Variants in MYBL2 observed in about 807,000 individuals in gnomAD.
The protein encoded by MYBL2 is myb-related protein B.
In MYBL2, 28 loss-of-function variants were observed where a neutral mutation model predicts 79.9. The observed-to-expected ratio is 0.35, with a 90% CI of 0.26 to 0.48. The LOEUF (loss-of-function observed/expected upper bound fraction) is 0.48, where lower values mean the gene tolerates loss of function less well. Among genes scored for constraint, MYBL2 ranks in the 20% least tolerant of loss-of-function variants. MYBL2 has a pLI of 0.99. For missense variants in MYBL2, 735 were observed against 893.9 expected, an observed-to-expected ratio of 0.82 and a Z score of 2.27; for synonymous variants, 378 against 361.2, an observed-to-expected ratio of 1.05 and a Z score of -0.53.
At chr20:43,679,848 A>T (rs1324709431) in intron 2 of MYBL2, among the ~76,000 whole-genome samples, 2 of 26,932 alleles carry the variant, frequency 7.4e-5, no homozygotes. Context: ...GAGGTTGAGG[A>T]TGCGGGGTGG....
intron 1 of MYBL2, among the ~76,000 whole-genome samples, chr20:43,668,809 CGCTGGGACTGCAGGCTGAGTA>C (rs1986786767): frequency 6.6e-6 from 1 of 151,902 alleles, no homozygotes. Context: ...CAACTCAGCC[CGCTGGGACTGCAGGCTGAGTA>C]GCTGGGACTA....
rs749037632 is a variant in MYBL2, at chr20:43,715,983, G to C, written c.1999G>C (p.Ala667Pro). The C allele has an allele frequency of 6.2e-7, 1 of 1,611,974 alleles. No homozygotes were observed. The highest frequency in any genetic ancestry group is 1.1e-5 in the South Asian group (1 of 90,992). The change falls in exon 14 of 14, where the codon GCC (alanine) becomes CCC (proline). Residue 667 changes from alanine (A) to proline (P), a missense_variant. Around this residue, in one of 5 missense-constraint regions of MYBL2, gnomAD observed 204 missense variants for 202.9 expected, o/e 1.01. Transcript: ENST00000217026. ...APMSSAWKTV[A>P]CGGTRDQLFM... ...GATGTCCAGTGCCTGGAAGACGGTG[G>C]CCTGCGGGGGGACCAGGGACCAGCT... is the stretch of plus-strand genomic sequence containing the variant.
rs537258298 is a variant in MYBL2, at chr20:43,702,584, C to T, written c.1046C>T (p.Ala349Val). Residue 349 changes from alanine to valine, a missense_variant, in exon 8 of 14, where the codon GCG (alanine) becomes GTG (valine). Ala to Val is a moderately conservative substitution (Grantham distance 64). Coordinates refer to ENST00000217026, the MANE Select transcript of MYBL2 (RefSeq NM_002466.4). ...SINNSLVQLQASHQQQVLPPR... is the reference protein window; with the variant it reads ...SINNSLVQLQVSHQQQVLPPR... ...AACAACAGCCTAGTGCAGCTGCAAG[C>T]GTCACATCAGCAGCAAGTCCTGCCA... is the stretch of plus-strand genomic sequence containing the variant. 1.7e-5 allele frequency: 27 copies of T among 1,614,198 alleles called. No individual in the cohort carries two copies. Among genetic ancestry groups the T allele is most frequent in the South Asian group, 7.7e-5 (7 of 91,082 alleles).
intron 1 of MYBL2, among the ~76,000 whole-genome samples, chr20:43,669,066 G>A (rs1986796895): frequency 6.6e-6 from 1 of 152,172 alleles, no homozygotes; most frequent in African/African-American, 2.4e-5. Flanking sequence ...GTTTCACTGT[G>A]TTGCTCAGGC....
intron 5 of MYBL2, among the ~76,000 whole-genome samples, chr20:43,690,300 G>A (rs2145720286): frequency 1.3e-5 from 2 of 152,088 alleles, no homozygotes; most frequent in South Asian, 4.2e-4. Flanking sequence ...CCGCGTCCCA[G>A]GTTCAAGCGA....
intron 2 of MYBL2, among the ~76,000 whole-genome samples, chr20:43,675,786 T>TGTG (rs397744030): frequency 2.0e-5 from 3 of 149,288 alleles, no homozygotes; most frequent in Non-Finnish European, 3.0e-5. Flanking sequence ...TGTGTGTGTG[T>TGTG]TGTTTTTAAC....
intron 6 of MYBL2, among the ~76,000 whole-genome samples, chr20:43,696,066 A>G (rs1461806446): frequency 6.6e-6 from 1 of 152,202 alleles, no homozygotes; most frequent in African/African-American, 2.4e-5. Context: ...GATTGCTGCC[A>G]GAAGAATTTT....
intron 7 of MYBL2, among the ~76,000 whole-genome samples, chr20:43,701,144 T>G (rs985682082): frequency 3.1e-4 from 47 of 152,030 alleles, no homozygotes; most frequent in African/African-American, 1.1e-3. Context: ...GGAACAGGAG[T>G]TAAACCTTGC....
intron 8 of MYBL2, 131 bp from the exon 9 acceptor site, chr20:43,705,088 G>C: frequency 8.4e-7 from 1 of 1,193,454 alleles, no homozygotes; most frequent in Admixed American, 2.3e-5. Flanking sequence ...GATGGGTCAA[G>C]AGGGGACCTC....
intron 1 of MYBL2, among the ~76,000 whole-genome samples, chr20:43,669,017 C>T (rs1457075373): frequency 4.6e-5 from 7 of 152,192 alleles, no homozygotes; most frequent in Admixed American, 4.6e-4. Flanking sequence ...GCACACGCCG[C>T]CACGCCTGGC....
intron 11 of MYBL2, among the ~76,000 whole-genome samples, chr20:43,712,266 T>C (rs559383911): frequency 6.6e-6 from 1 of 152,190 alleles, no homozygotes; most frequent in East Asian, 1.9e-4. Context: ...CCCAGACTGC[T>C]CTCCTCAAGG....
intron 5 of MYBL2, among the ~76,000 whole-genome samples, chr20:43,691,435 C>T (rs1210686545): frequency 6.6e-6 from 1 of 152,178 alleles, no homozygotes; most frequent in East Asian, 1.9e-4. Context: ...GATTCTCATG[C>T]CTCAGACTCC....
At chr20:43,667,667 G>T (rs1256688151) in intron 1 of MYBL2, among the ~76,000 whole-genome samples, 2 of 152,178 alleles carry the variant, frequency 1.3e-5, no homozygotes, top group African/African-American at 4.8e-5. Flanking sequence ...CGAGGGAGGC[G>T]ACCCCTGGGA....
At chr20:43,676,810 G>C (rs1479173423) in intron 2 of MYBL2, among the ~76,000 whole-genome samples, 2 of 149,854 alleles carry the variant, frequency 1.3e-5, no homozygotes, top group Non-Finnish European at 3.0e-5. Flanking sequence ...CAGTTCTTCA[G>C]TGTTTTTTGT....
intron 7 of MYBL2, 61 bp from the exon 8 acceptor site, chr20:43,702,429 A>G: frequency 6.7e-7 from 1 of 1,488,202 alleles, no homozygotes; most frequent in African/African-American, 1.4e-5. Flanking sequence ...TCCCGTAATG[A>G]ATGAGTCCTC....
At chr20:43,677,075 G>A (rs1987028679) in intron 2 of MYBL2, among the ~76,000 whole-genome samples, 3 of 152,132 alleles carry the variant, frequency 2.0e-5, no homozygotes, top group South Asian at 4.1e-4. Context: ...TGCTGTGTGA[G>A]TGGTAAACTC....
chr20:43,701,575 C>T (rs930374083), intron 7 of MYBL2, among the ~76,000 whole-genome samples: 2 of 152,194 alleles, frequency 1.3e-5, no homozygotes, highest in Admixed American at 6.5e-5. Context: ...TTGGGAAGAC[C>T]GAATCCCCTT....
chr20:43,693,935 C>A (rs979803260), intron 6 of MYBL2, among the ~76,000 whole-genome samples: 3 of 152,076 alleles, frequency 2.0e-5, no homozygotes, highest in Admixed American at 6.6e-5. Context: ...GTAGTCCCAG[C>A]TACTTGGGAG....
chr20:43,695,664 C>CT (rs1430518507), intron 6 of MYBL2, among the ~76,000 whole-genome samples: 1 of 148,132 alleles, frequency 6.8e-6, no homozygotes, highest in Admixed American at 6.8e-5. Flanking sequence ...CCAGTCTGGG[C>CT]AACATAGGGA....
Sources: allele counts gnomAD v4.1 joint callset (sites outside exome capture counted in the v4.1 genomes callset), GRCh38; gene constraint gnomAD v4.1.1; regional missense constraint gnomAD v4.1.1; transcripts MANE v1.5; gene names NCBI Gene and HGNC (gene_info 2026-07-23, HGNC 2026-07-21).